EXOC6B: variants seen among roughly 807,000 people sequenced by gnomAD.
The protein encoded by EXOC6B is exocyst complex component 6B.
A neutral mutation model predicts 113.5 loss-of-function variants in EXOC6B; 54 were observed. The observed-to-expected ratio is 0.48, with a 90% CI of 0.38 to 0.60. The LOEUF (loss-of-function observed/expected upper bound fraction) is 0.60, where lower values mean the gene tolerates loss of function less well. Among genes scored for constraint, EXOC6B ranks in the 20% least tolerant of loss-of-function variants. The pLI is 0.00. For synonymous variants in EXOC6B, 357 were observed against 339.0 expected (o/e 1.05, Z -0.58); for missense variants, 797 against 977.5 (o/e 0.82, Z 2.46).
intron 20 of EXOC6B, among the ~76,000 whole-genome samples, chr2:72,313,519 A>G (rs1438087617): frequency 6.6e-6 from 1 of 152,218 alleles, no homozygotes; most frequent in Non-Finnish European, 1.5e-5. Context: ...TCTCTGCATA[A>G]GAGATTTTAG....
At chr2:72,340,639 A>G (rs1188292932) in intron 19 of EXOC6B, among the ~76,000 whole-genome samples, 1 of 152,202 alleles carries the variant, frequency 6.6e-6, no homozygotes, top group Non-Finnish European at 1.5e-5. Flanking sequence ...AAAATGCCAG[A>G]TAAGTAGGGA....
intron 8 of EXOC6B, among the ~76,000 whole-genome samples, chr2:72,554,397 G>A (rs906757352): frequency 3.9e-5 from 6 of 152,176 alleles, no homozygotes; most frequent in Non-Finnish European, 8.8e-5. Context: ...ACCTCAAATT[G>A]TAATCCCTAT....
At chr2:72,427,336 C>T (rs1315476958) in intron 18 of EXOC6B, among the ~76,000 whole-genome samples, 2 of 152,180 alleles carry the variant, frequency 1.3e-5, no homozygotes, top group African/African-American at 4.8e-5. Flanking sequence ...CCCACCCTCC[C>T]AAGCGCAGGA....
chr2:72,729,726 A>C (rs563984237), intron 5 of EXOC6B, among the ~76,000 whole-genome samples: 1 of 152,156 alleles, frequency 6.6e-6, no homozygotes, highest in East Asian at 1.9e-4. Flanking sequence ...AACCTGGCTC[A>C]TGGGTGATTT....
intron 5 of EXOC6B, among the ~76,000 whole-genome samples, chr2:72,730,590 AC>A (rs1379436475): frequency 2.9e-4 from 42 of 146,848 alleles, no homozygotes; most frequent in African/African-American, 1.0e-3. Flanking sequence ...ACACACACAC[AC>A]ACACACACAC....
At chr2:72,337,630 G>T (rs1688765424) in intron 19 of EXOC6B, among the ~76,000 whole-genome samples, 1 of 152,066 alleles carries the variant, frequency 6.6e-6, no homozygotes, top group Admixed American at 6.6e-5. Flanking sequence ...GGTTCCCAAA[G>T]GATATAATGG....
rs370058678 is a variant in EXOC6B, at chr2:72,751,329, G to A, written c.114-9860C>T. 1.5e-4 allele frequency among the ~76,000 whole-genome samples: 23 copies of A among 152,182 alleles called. 1 individual carries two copies. Among genetic ancestry groups the A allele is most frequent in the African/African-American group, 4.6e-4 (19 of 41,538 alleles). On this transcript the variant is annotated intron_variant, in intron 1 of 21. Transcript: ENST00000272427. ...GTGGGGAAGGGCTTCCAGGTCATAC[G>A]TAGATTTAAAATTTTTCTGATTGGC...
At chr2:72,685,031 C>A (rs1676977636) in intron 6 of EXOC6B, among the ~76,000 whole-genome samples, 1 of 151,938 alleles carries the variant, frequency 6.6e-6, no homozygotes, top group Non-Finnish European at 1.5e-5. Context: ...TATTATGCAT[C>A]CTGAAGTGTT....
At chr2:72,510,157 A>G (rs917521144) in intron 11 of EXOC6B, among the ~76,000 whole-genome samples, 3 of 152,166 alleles carry the variant, frequency 2.0e-5, no homozygotes, top group African/African-American at 7.2e-5. Context: ...ATTTTTTAAA[A>G]GCATAATAAA....
chr2:72,603,073 G>T (rs1670526502), intron 6 of EXOC6B, among the ~76,000 whole-genome samples: 1 of 142,850 alleles, frequency 7.0e-6, no homozygotes, highest in African/African-American at 2.6e-5. Flanking sequence ...CGGACAGATG[G>T]TTTTTTTTTT....
chr2:72,214,121 T>C (rs1162162940), intron 20 of EXOC6B, among the ~76,000 whole-genome samples: 4 of 152,178 alleles, frequency 2.6e-5, no homozygotes, highest in East Asian at 1.9e-4. Context: ...TCTGTTCATA[T>C]TGTCATCTGA....
chr2:72,618,383 G>C (rs1444575251), intron 6 of EXOC6B, among the ~76,000 whole-genome samples: 1 of 151,838 alleles, frequency 6.6e-6, no homozygotes, highest in Non-Finnish European at 1.5e-5. Context: ...AAAAAGAAAA[G>C]AAAAGAAAAG....
chr2:72,347,906 T>G (rs192792017), intron 19 of EXOC6B, among the ~76,000 whole-genome samples: 1 of 152,132 alleles, frequency 6.6e-6, no homozygotes, highest in East Asian at 1.9e-4. Context: ...TCAAAACCCA[T>G]AGCAATATGA....
chr2:72,413,128 T>G (rs1304339404), intron 18 of EXOC6B, among the ~76,000 whole-genome samples: 1 of 151,686 alleles, frequency 6.6e-6, no homozygotes, highest in Non-Finnish European at 1.5e-5. Context: ...CCGGCGAAGT[T>G]TTTTTTGTAT....
At chr2:72,821,986 T>A (rs536115384) in intron 1 of EXOC6B, among the ~76,000 whole-genome samples, 1 of 152,336 alleles carries the variant, frequency 6.6e-6, no homozygotes, top group South Asian at 2.1e-4. Flanking sequence ...TGTTTTTTAA[T>A]GGCAATGTAT....
At chr2:72,197,055 A>T (rs897735414) in intron 20 of EXOC6B, among the ~76,000 whole-genome samples, 2 of 152,204 alleles carry the variant, frequency 1.3e-5, no homozygotes, top group African/African-American at 4.8e-5. Flanking sequence ...TCAAGCAAAG[A>T]GACTAGTGGA....
chr2:72,337,692 G>A (rs989759239), intron 19 of EXOC6B, among the ~76,000 whole-genome samples: 2 of 152,130 alleles, frequency 1.3e-5, no homozygotes, highest in African/African-American at 4.8e-5. Context: ...AAGAATGACA[G>A]TTGCATCAGG....
rs1288874618 is a variant in EXOC6B at position 72,177,031 on chromosome 2, C to T, written c.*2304G>A. The T allele has an allele frequency of 6.6e-6, 1 of 152,148 alleles. No individual in the cohort carries two copies. The highest frequency in any genetic ancestry group is 2.4e-5 in the African/African-American group (1 of 41,432). 9.4% of individuals were successfully genotyped at this position (152,148 alleles called of 1,614,324 possible). A position where few individuals can be genotyped will look rare whatever the true frequency, so the allele number is the denominator to read the frequency against. ...CCCTGTTTTTACCTTCCCTGGCCCA[C>T]CAAGAGTATGTCTCTACATACAACT... On this transcript the variant is annotated 3_prime_UTR_variant, in exon 22 of 22. Coordinates refer to ENST00000272427, the MANE Select transcript of EXOC6B (RefSeq NM_015189.3).
chr2:72,514,597 AATAAATAAATAT>A (rs777972875), intron 10 of EXOC6B, 25 bp downstream of exon 10: 12 of 207,442 alleles, frequency 5.8e-5, no homozygotes, highest in South Asian at 5.3e-4. Context: ...TAAATAAATA[AATAAATAAATAT>A]ATATATATAT....
Sources: gnomAD v4.1 joint callset for allele counts (sites outside exome capture counted in the v4.1 genomes callset) on GRCh38, gnomAD v4.1.1 for gene constraint, MANE v1.5 for transcripts, NCBI Gene and HGNC (gene_info 2026-07-23, HGNC 2026-07-21) for gene names.